Variants in MYH10 observed in about 807,000 individuals in gnomAD.
The protein encoded by MYH10 is myosin heavy chain 10.
MYH10 carries 55 observed loss-of-function variants against 257.8 expected under a neutral mutation model. That is an observed-to-expected ratio of 0.21 (90% CI 0.17 to 0.27). MYH10 has a LOEUF of 0.27. MYH10 is among the 10% of genes least tolerant of loss of function. The pLI is 1.00. For synonymous variants in MYH10, 854 were observed against 921.7 expected (o/e 0.93, Z 1.33); for missense variants, 1,631 against 2,500.6 (o/e 0.65, Z 7.42).
intron 3 of MYH10, among the ~76,000 whole-genome samples, chr17:8,593,997 C>G (rs1016560182): frequency 3.6e-4 from 54 of 152,096 alleles, no homozygotes; most frequent in African/African-American, 1.2e-3. Flanking sequence ...ATCAAAGGAA[C>G]AGAGAGTCCT....
chr17:8,530,882 T>C (rs1349166901), intron 16 of MYH10, among the ~76,000 whole-genome samples, 197 bp from the exon 17 acceptor site: 4 of 152,202 alleles, frequency 2.6e-5, no homozygotes, highest in African/African-American at 7.2e-5. Context: ...AATAGATTAA[T>C]GCTAAATCAA....
intron 10 of MYH10, 92 bp from the exon 11 acceptor site, chr17:8,548,500 T>G: frequency 7.2e-7 from 1 of 1,384,136 alleles, no homozygotes; most frequent in Non-Finnish European, 9.9e-7. Flanking sequence ...AAATTAGCTA[T>G]ACAAAACTTT....
intron 21 of MYH10, among the ~76,000 whole-genome samples, chr17:8,516,879 C>A (rs146431560): frequency 0.01 from 1,566 of 152,298 alleles, 29 homozygotes; most frequent in African/African-American, 0.036. Context: ...TGGCTCACGC[C>A]TGTAATCCCA....
At chr17:8,593,425 AAAACAAAC>A (rs71361808) in intron 3 of MYH10, among the ~76,000 whole-genome samples, 67 of 150,968 alleles carry the variant, frequency 4.4e-4, no homozygotes, top group Middle Eastern at 3.4e-3. Context: ...ACAATACACA[AAAACAAAC>A]AAACAAACAA....
intron 4 of MYH10, among the ~76,000 whole-genome samples, chr17:8,585,189 G>A (rs887147838): frequency 2.7e-5 from 3 of 110,618 alleles, no homozygotes; most frequent in East Asian, 2.7e-4. Flanking sequence ...GTGTGTGTGT[G>A]TATATTATAT....
intron 24 of MYH10, among the ~76,000 whole-genome samples, chr17:8,511,604 A>C (rs1204154178): frequency 1.3e-5 from 2 of 152,256 alleles, no homozygotes; most frequent in East Asian, 3.8e-4. Flanking sequence ...GGCCAACTTA[A>C]GGAAATGTTC....
At chr17:8,606,946 C>T (rs2084834732) in intron 2 of MYH10, among the ~76,000 whole-genome samples, 1 of 152,204 alleles carries the variant, frequency 6.6e-6, no homozygotes, top group African/African-American at 2.4e-5. Context: ...AGACCAACAC[C>T]TTGCACTTTC....
In MYH10 at chr17:8,569,727, G is replaced by T; in HGVS notation, c.749C>A (p.Ser250Tyr). The T allele has an allele frequency of 6.2e-7, 1 of 1,605,534 alleles. No individual in the cohort carries two copies. The change falls in exon 7 of 43, where the codon TCT (serine) becomes TAT (tyrosine). Residue 250 changes from serine (S) to tyrosine (Y), a missense_variant. Physicochemically the swap from Ser to Tyr is moderately radical, Grantham distance 144 (BLOSUM62 -2). Coordinates refer to ENST00000360416, the MANE Select transcript of MYH10 (RefSeq NM_001256012.3). This position sits in a 1 kb window ranked among gnomAD's most constrained non-coding sequence, Gnocchi z 4.1. ...TGGTGCTTTGAAACTTACAAAACGA[G>T]ATGAGTTATCATTTTTCACAGTCTT... The part of the protein sequence containing the change: ...NAKTVKNDNS[S>Y]RFGKFIRINF...
At position 8,535,509 on chromosome 17, in the gene MYH10, G is replaced by C. The variant is rs764746516; in HGVS notation, c.1780-8C>G. On this transcript the variant is annotated splice_polypyrimidine_tract_variant and splice_region_variant and intron_variant, in intron 15 of 42. Transcript: ENST00000360416. The surrounding 1 kb of genome is among the most constrained non-coding windows in gnomAD (Gnocchi z 4.3). The stretch of plus-strand genomic sequence containing the variant: ...ATCTGCCTTATAGTCCACCTATCCC[G>C]CACCAAAGCCAAAAGTGGTGAAATG... 1 of 1,592,078 alleles carries C rather than the reference G, an allele frequency of 6.3e-7. No individual in the cohort carries two copies. The highest frequency in any genetic ancestry group is 8.6e-7 in the Non-Finnish European group (1 of 1,168,336).
Position 8,508,009 on chromosome 17 carries a change from C to T in MYH10, c.3214+545G>A, listed in dbSNP as rs546759228. 2.0e-5 allele frequency among the ~76,000 whole-genome samples: 3 copies of T among 152,178 alleles called. No homozygotes were observed. The East Asian group carries it at 5.8e-4, about 29-fold the overall frequency. On this transcript the variant is annotated intron_variant, in intron 26 of 42. Coordinates refer to ENST00000360416, the MANE Select transcript of MYH10 (RefSeq NM_001256012.3). ...AAAAGAAAAAGGAAAACCATTTTAT[C>T]ATCATTTCAAGGCAACACAAAATAA...
chr17:8,543,750 G>A (rs1232775795), intron 13 of MYH10, among the ~76,000 whole-genome samples: 5 of 152,146 alleles, frequency 3.3e-5, no homozygotes, highest in Admixed American at 6.5e-5. Flanking sequence ...GGGATTACAG[G>A]CGTGAGCCAC....
chr17:8,594,531 T>C (rs1176628006), intron 3 of MYH10, among the ~76,000 whole-genome samples: 1 of 152,198 alleles, frequency 6.6e-6, no homozygotes, highest in South Asian at 2.1e-4. Flanking sequence ...TAATTTCTTA[T>C]AAAGTTAAAC....
intron 3 of MYH10, among the ~76,000 whole-genome samples, chr17:8,590,192 T>A (rs1331278541): frequency 6.6e-6 from 1 of 152,252 alleles, no homozygotes; most frequent in Non-Finnish European, 1.5e-5. Flanking sequence ...AAATAAGTGC[T>A]CCGTTCACTA....
rs75060883 is a variant in MYH10, at chr17:8,603,116, A to G, written c.502+1710T>C. On this transcript the variant is annotated intron_variant, in intron 3 of 42. Coordinates refer to ENST00000360416, the MANE Select transcript of MYH10 (RefSeq NM_001256012.3). ...GATATAATGTTTATCCCTGTTAACT[A>G]TTATGTTAGATTCAACTCCTCATTC... Among the ~76,000 whole-genome samples the G allele has an allele frequency of 7.3e-3, 1,105 of 152,282 alleles. 7 individuals are homozygous for G. The highest frequency in any genetic ancestry group is 0.026 in the African/African-American group (1,063 of 41,556).
At chr17:8,476,427 G>C (rs1205233849) in intron 42 of MYH10, among the ~76,000 whole-genome samples, 3 of 152,224 alleles carry the variant, frequency 2.0e-5, no homozygotes, top group Non-Finnish European at 2.9e-5. Context: ...CCGCCGACCT[G>C]GTCTTCTGGG....
At chr17:8,571,464 T>C (rs983835791) in intron 6 of MYH10, among the ~76,000 whole-genome samples, 9 of 152,066 alleles carry the variant, frequency 5.9e-5, no homozygotes, top group Non-Finnish European at 1.0e-4. Flanking sequence ...TGAACAACTT[T>C]GATGACTGAG....
At chr17:8,560,519 T>G (rs1296003515) in intron 7 of MYH10, 18 of 591,828 alleles carry the variant, frequency 3.0e-5, no homozygotes, top group South Asian at 2.0e-4. Flanking sequence ...GGTAACTCCT[T>G]TGGCCCATGC....
chr17:8,576,825 T>C (rs2152019331), intron 5 of MYH10, among the ~76,000 whole-genome samples, 153 bp from the exon 6 acceptor site: 1 of 152,358 alleles, frequency 6.6e-6, no homozygotes, highest in Non-Finnish European at 1.5e-5. Flanking sequence ...CTACCACTTC[T>C]GCATGTCTAA....
chr17:8,545,945 T>A lies in MYH10; in HGVS notation c.1279-345A>T, dbSNP rs2082429273. Reference sequence around the variant, plus strand: ...ACAAGGACAAGGCGGCAGGGGCCCTTGTGTTGGTCTGGTTCCCGAAGTATG... The same window carrying A: ...ACAAGGACAAGGCGGCAGGGGCCCTAGTGTTGGTCTGGTTCCCGAAGTATG... On this transcript the variant is annotated intron_variant, in intron 12 of 42. Coordinates refer to ENST00000360416, the MANE Select transcript of MYH10 (RefSeq NM_001256012.3). This position sits in a 1 kb window ranked among gnomAD's most constrained non-coding sequence, Gnocchi z 4.7. Among the ~76,000 whole-genome samples the A allele has an allele frequency of 6.6e-6, 1 of 152,180 alleles. No individual in the cohort carries two copies. The highest frequency in any genetic ancestry group is 2.4e-5 in the African/African-American group (1 of 41,448).
Sources: gnomAD v4.1 joint callset for allele counts (sites outside exome capture counted in the v4.1 genomes callset) on GRCh38, gnomAD v4.1.1 for gene constraint, Gnocchi (gnomAD v3.1) non-coding constraint, MANE v1.5 for transcripts, NCBI Gene and HGNC (gene_info 2026-07-23, HGNC 2026-07-21) for gene names.